The following EXOC2 variants were observed in gnomAD, a reference collection of about 807,000 sequenced individuals.
EXOC2 encodes the protein SEC5-like 1.
In EXOC2, 70 loss-of-function variants were observed where a neutral mutation model predicts 131.8. That is an observed-to-expected ratio of 0.53 (90% confidence interval 0.44 to 0.65). EXOC2 has a LOEUF of 0.65. Among genes scored for constraint, EXOC2 ranks in the 30% least tolerant of loss-of-function variants. EXOC2 has a pLI of 0.00. For synonymous variants in EXOC2, 411 were observed against 398.4 expected, an observed-to-expected ratio of 1.03 and a Z score of -0.38; for missense variants, 923 against 1,108.6, an observed-to-expected ratio of 0.83 and a Z score of 2.38.
chr6:563,987 C>A, intron 16 of EXOC2, 46 bp downstream of exon 16: 1 of 1,597,306 alleles, frequency 6.3e-7, no homozygotes, highest in South Asian at 1.1e-5. Context: ...GTGGCACATT[C>A]AGATAATCAT....
At chr6:565,009 A>G in intron 13 of EXOC2, 80 bp from the exon 14 acceptor site, 1 of 1,079,664 alleles carries the variant, frequency 9.3e-7, no homozygotes, top group Non-Finnish European at 1.3e-6. Context: ...GTACATCAAG[A>G]GAACATTAAA....
chr6:501,166 T>TC (rs1477937015), intron 23 of EXOC2, among the ~76,000 whole-genome samples: 5 of 35,142 alleles, frequency 1.4e-4, no homozygotes, highest in Admixed American at 6.1e-4. Context: ...TCTATATATA[T>TC]TATATATATC....
chr6:656,250 T>C, intron 1 of EXOC2: 1 of 1,614,226 alleles, frequency 6.2e-7, no homozygotes, highest in Non-Finnish European at 8.5e-7. Flanking sequence ...CTTCCGATTG[T>C]CCACCCGCAC....
chr6:656,526 C>G, intron 1 of EXOC2: 1 of 1,604,540 alleles, frequency 6.2e-7, no homozygotes, highest in Non-Finnish European at 8.5e-7. Context: ...CCGCCACACT[C>G]TCCTGGGAAG....
At chr6:646,942 A>C (rs1336216568) in intron 1 of EXOC2, among the ~76,000 whole-genome samples, 1 of 152,208 alleles carries the variant, frequency 6.6e-6, no homozygotes. Context: ...TGCTTCAATA[A>C]ACAGACATCA....
chr6:510,225 C>T (rs767688766), intron 23 of EXOC2, among the ~76,000 whole-genome samples: 2 of 152,156 alleles, frequency 1.3e-5, no homozygotes, highest in Non-Finnish European at 2.9e-5. Flanking sequence ...AGTTCCCCTT[C>T]GTCAGGTTTT....
chr6:619,065 T>C (rs751809473), intron 5 of EXOC2, among the ~76,000 whole-genome samples: 12 of 152,202 alleles, frequency 7.9e-5, no homozygotes, highest in Non-Finnish European at 1.6e-4. Flanking sequence ...GGCAGTGTGT[T>C]CCATGTTTTA....
At chr6:670,985 C>A (rs1056753002) in intron 1 of EXOC2, among the ~76,000 whole-genome samples, 1 of 137,098 alleles carries the variant, frequency 7.3e-6, no homozygotes, top group African/African-American at 2.8e-5. Context: ...GAGGCTGAGG[C>A]AGAAGGACCA....
intron 1 of EXOC2, among the ~76,000 whole-genome samples, chr6:648,619 T>G (rs962916397): frequency 6.6e-6 from 1 of 152,182 alleles, no homozygotes; most frequent in Non-Finnish European, 1.5e-5. Context: ...ATATATAGTC[T>G]TTTAACTTCA....
intron 23 of EXOC2, among the ~76,000 whole-genome samples, chr6:521,340 C>T (rs1168385604): frequency 6.6e-6 from 1 of 152,062 alleles, no homozygotes. Context: ...TGAGTGCCGA[C>T]AGTCACTGTC....
chr6:687,593 G>GAA lies in EXOC2; in HGVS notation c.-44+5424_-44+5425dup, dbSNP rs35929304. ...GACAGTATTGGACTCCTATACCCCAGAAAAACAGAAAAACTAGGGCTGTGA... is the reference window on the plus strand; with the variant it reads ...GACAGTATTGGACTCCTATACCCCAGAAAAAAACAGAAAAACTAGGGCTGTGA... On this transcript the variant is annotated intron_variant, in intron 1 of 27. Transcript: ENST00000230449. 7.9e-5 allele frequency among the ~76,000 whole-genome samples: 12 copies of GAA among 152,088 alleles called. 1 individual carries two copies. Among genetic ancestry groups the GAA allele is most frequent in the South Asian group, 4.1e-4 (2 of 4,824 alleles).
chr6:647,509 T>C (rs1481027989), intron 1 of EXOC2, among the ~76,000 whole-genome samples: 1 of 144,966 alleles, frequency 6.9e-6, no homozygotes, highest in Admixed American at 7.2e-5. Context: ...ACCTGATGAG[T>C]TGTCAAACAG....
Position 532,899 on chromosome 6 carries a change from A to G in EXOC2, c.2239-289T>C, listed in dbSNP as rs192156408. Among the ~76,000 whole-genome samples the G allele has an allele frequency of 2.6e-5, 4 of 152,332 alleles. No individual in the cohort carries two copies. In the East Asian group the frequency reaches 7.7e-4, roughly 29 times the overall value. On this transcript the variant is annotated intron_variant, in intron 22 of 27. Coordinates refer to ENST00000230449, the MANE Select transcript of EXOC2 (RefSeq NM_018303.6). ...GTAATTTATAAAAGAAAGAAGTTTA[A>G]TTGACTCAATTATGTTATGCATGGC...
Position 667,419 on chromosome 6 carries a change from T to C in EXOC2, c.-44+25600A>G, listed in dbSNP as rs1385969658. Among the ~76,000 whole-genome samples the C allele has an allele frequency of 1.2e-4, 12 of 97,482 alleles. 5 individuals carry two copies. The highest frequency in any genetic ancestry group is 3.7e-4 in the African/African-American group (12 of 32,826). The allele number at this position is 97,482 out of a possible 152,430, so 64.0% of individuals were successfully genotyped here. The stretch of plus-strand genomic sequence containing the variant: ...AGACAGCTGAGCTGGTAAAGCATTA[T>C]TTCTGGGTGTGTCTGTGAGGGTGTT... On this transcript the variant is annotated intron_variant, in intron 1 of 27. Transcript: ENST00000230449.
At chr6:543,848 G>T (rs777304471) in intron 22 of EXOC2, among the ~76,000 whole-genome samples, 1 of 152,162 alleles carries the variant, frequency 6.6e-6, no homozygotes, top group African/African-American at 2.4e-5. Context: ...TTGAAATCTC[G>T]ATGGAAACTT....
intron 25 of EXOC2, among the ~76,000 whole-genome samples, chr6:496,079 G>A (rs1015587220): frequency 5.3e-5 from 8 of 151,756 alleles, no homozygotes; most frequent in South Asian, 2.1e-4. Flanking sequence ...TTTCTCCGCC[G>A]AGATTTCCCA....
At chr6:610,014 G>C (rs1178017083) in intron 7 of EXOC2, 84 bp downstream of exon 7, 3 of 1,174,410 alleles carry the variant, frequency 2.6e-6, no homozygotes, top group Admixed American at 4.0e-5. Context: ...TTACTGCCTT[G>C]TCCCGCGATA....
intron 1 of EXOC2, chr6:656,398 C>A: frequency 2.5e-6 from 4 of 1,614,210 alleles, no homozygotes; most frequent in Non-Finnish European, 3.4e-6. Context: ...CTGAGGTTTG[C>A]TTCCACCAGC....
At chr6:689,224 A>G (rs1764804341) in intron 1 of EXOC2, 1 of 151,916 alleles carries the variant, frequency 6.6e-6, no homozygotes, top group Admixed American at 6.6e-5. Flanking sequence ...TGTGGAAAAT[A>G]TTACATAGAA....
Sources: allele counts gnomAD v4.1 joint callset (sites outside exome capture counted in the v4.1 genomes callset), GRCh38; gene constraint gnomAD v4.1.1; transcripts MANE v1.5; gene names NCBI Gene and HGNC (gene_info 2026-07-23, HGNC 2026-07-21).